Variants in PSAT1 observed in about 807,000 individuals in gnomAD.
The protein encoded by PSAT1 is phosphoserine aminotransferase.
PSAT1 carries 41 observed loss-of-function variants against 40.3 expected under a neutral mutation model. The ratio of observed to expected loss-of-function variants is 1.02; its 90% CI spans 0.79 to 1.32. PSAT1 has a LOEUF of 1.32. Ranked by LOEUF, PSAT1 falls within the 40% of genes most tolerant of loss-of-function variation. The probability of loss-of-function intolerance (pLI) is 0.00; values close to 1 mark genes in which losing one functional copy is unlikely to be tolerated. For synonymous variants in PSAT1, 147 were observed against 170.5 expected, an observed-to-expected ratio of 0.86 and a Z score of 1.07; for missense variants, 406 against 455.8, an observed-to-expected ratio of 0.89 and a Z score of 0.99.
In PSAT1 at chr9:78,328,993, C is replaced by T. The variant is rs1384545215; in HGVS notation, c.1020C>T (p.Gly340=). The T allele has an allele frequency of 6.2e-7, 1 of 1,613,658 alleles. No homozygotes were observed. The highest frequency in any genetic ancestry group is 2.2e-5 in the East Asian group (1 of 44,884). The change falls in exon 9 of 9, where the codon GGC becomes GGT. Residue 340 remains glycine (G), a synonymous_variant. Coordinates refer to ENST00000376588, the MANE Select transcript of PSAT1 (RefSeq NM_058179.4). ...TTGGTCATTCTAGGTCTGTGGGAGGCATCCGGGCCTCTCTGTATAATGCTG... is the reference window on the plus strand; with the variant it reads ...TTGGTCATTCTAGGTCTGTGGGAGGTATCCGGGCCTCTCTGTATAATGCTG... The part of the protein sequence containing the change: ...LSLKGHRSVG[G]IRASLYNAVT...
chr9:78,311,280 G>T (rs1311281885), intron 6 of PSAT1, among the ~76,000 whole-genome samples: 1 of 152,142 alleles, frequency 6.6e-6, no homozygotes, highest in Non-Finnish European at 1.5e-5. Flanking sequence ...GGCAGGTAGA[G>T]GTACAGGAGG....
At chr9:78,297,539 G>A (rs538658277) in intron 1 of PSAT1, among the ~76,000 whole-genome samples, 1 of 152,118 alleles carries the variant, frequency 6.6e-6, no homozygotes, top group African/African-American at 2.4e-5. Context: ...TCAGCTGGCC[G>A]GGGCCTGCTG....
intron 7 of PSAT1, among the ~76,000 whole-genome samples, chr9:78,321,868 C>G (rs2118695708): frequency 6.6e-6 from 1 of 152,234 alleles, no homozygotes; most frequent in East Asian, 1.9e-4. Flanking sequence ...ATACATACTT[C>G]TTAAAATTGT....
At chr9:78,324,833 C>T (rs1041266450) in intron 7 of PSAT1, among the ~76,000 whole-genome samples, 39 of 152,260 alleles carry the variant, frequency 2.6e-4, no homozygotes, top group African/African-American at 6.7e-4. Flanking sequence ...CCTTCCACAC[C>T]GGCCCGTCCT....
At chr9:78,328,903 GC>G in intron 8 of PSAT1, 77 bp from the exon 9 acceptor site, 1 of 1,125,122 alleles carries the variant, frequency 8.9e-7, no homozygotes, top group Non-Finnish European at 1.4e-6. Flanking sequence ...ACTCTCAGGA[GC>G]CAGTGGCTAG....
intron 7 of PSAT1, among the ~76,000 whole-genome samples, chr9:78,318,728 C>A (rs1444005884): frequency 6.6e-6 from 1 of 152,222 alleles, no homozygotes; most frequent in Admixed American, 6.5e-5. Context: ...ATCATCTCAT[C>A]TCGAGATCCT....
At chr9:78,328,807 T>C (rs939130619) in intron 8 of PSAT1, among the ~76,000 whole-genome samples, 174 bp from the exon 9 acceptor site, 4 of 152,222 alleles carry the variant, frequency 2.6e-5, no homozygotes, top group Admixed American at 2.6e-4. Flanking sequence ...GGGAGAATTT[T>C]CTGATGACTG....
At chr9:78,301,867 T>A in intron 2 of PSAT1, 87 bp from the exon 3 acceptor site, 1 of 1,036,280 alleles carries the variant, frequency 9.6e-7, no homozygotes, top group African/African-American at 1.6e-5. Flanking sequence ...CCTGTATTGT[T>A]GTTTACTTGC....
intron 7 of PSAT1, among the ~76,000 whole-genome samples, chr9:78,326,955 A>ATATATATATATTTTTTTTTT: frequency 7.9e-5 from 6 of 75,934 alleles, no homozygotes; most frequent in African/African-American, 4.7e-4. Context: ...ATATATATAT[A>ATATATATATATTTTTTTTTT]TTTTTTTTTT....
chr9:78,315,071 G>A (rs532998126), intron 6 of PSAT1, among the ~76,000 whole-genome samples: 1 of 152,252 alleles, frequency 6.6e-6, no homozygotes, highest in South Asian at 2.1e-4. Flanking sequence ...GATGAACAGA[G>A]GGCTGGGCAG....
chr9:78,305,426 T>G (rs1252480394), intron 4 of PSAT1, among the ~76,000 whole-genome samples: 2 of 152,256 alleles, frequency 1.3e-5, no homozygotes, highest in Non-Finnish European at 2.9e-5. Context: ...ATGCATACTC[T>G]TCTTGCAGAA....
intron 6 of PSAT1, among the ~76,000 whole-genome samples, chr9:78,309,348 A>T (rs1043070070): frequency 3.9e-5 from 6 of 152,144 alleles, no homozygotes; most frequent in African/African-American, 1.4e-4. Context: ...TACTGGCTTA[A>T]ATACCTTTCT....
chr9:78,304,298 A>G (rs1828148754), intron 3 of PSAT1, among the ~76,000 whole-genome samples: 1 of 152,238 alleles, frequency 6.6e-6, no homozygotes. Flanking sequence ...AGCTCCTACA[A>G]GTTTCTTCTT....
At chr9:78,317,876 GA>G in intron 7 of PSAT1, 72 bp downstream of exon 7, 1 of 1,509,434 alleles carries the variant, frequency 6.6e-7, no homozygotes, top group Non-Finnish European at 9.2e-7. Flanking sequence ...GTGTACCTTT[GA>G]AAAGTGGACA....
intron 5 of PSAT1, 65 bp downstream of exon 5, chr9:78,306,551 T>C: frequency 6.3e-7 from 1 of 1,592,152 alleles, no homozygotes; most frequent in East Asian, 2.2e-5. Flanking sequence ...CATTTTAATA[T>C]ATACAAGAGC....
intron 7 of PSAT1, among the ~76,000 whole-genome samples, chr9:78,324,608 C>T (rs959918640): frequency 5.3e-5 from 8 of 152,182 alleles, no homozygotes; most frequent in Non-Finnish European, 1.0e-4. Context: ...TGGTGCTTGA[C>T]GGGGTCACCC....
intron 6 of PSAT1, among the ~76,000 whole-genome samples, chr9:78,317,073 C>CA (rs2118679406): frequency 6.6e-6 from 1 of 152,300 alleles, no homozygotes; most frequent in African/African-American, 2.4e-5. Context: ...TTCTGGCTCT[C>CA]AAGAAGAGTT....
At position 78,317,775 on chromosome 9, in the gene PSAT1, G is replaced by C. The variant is rs1182144804; in HGVS notation, c.840G>C (p.Glu280Asp). 1 of 1,613,306 alleles carries C rather than the reference G, an allele frequency of 6.2e-7. No homozygotes were observed. Residue 280 changes from glutamate (E) to aspartate (D), a missense_variant, in exon 7 of 9, where the codon GAG becomes GAC. Coordinates refer to ENST00000376588, the MANE Select transcript of PSAT1 (RefSeq NM_058179.4). Reference sequence around the variant, plus strand: ...CCATCAAATCTCAAACAATTTATGAGATTATTGATAATTCTCAAGGATTCT... The same window carrying C: ...CCATCAAATCTCAAACAATTTATGACATTATTGATAATTCTCAAGGATTCT... ...LSSIKSQTIY[E>D]IIDNSQGFYV... is the part of the protein sequence containing the mutation.
chr9:78,308,094 C>T (rs541255190), intron 5 of PSAT1, among the ~76,000 whole-genome samples: 98 of 152,162 alleles, frequency 6.4e-4, no homozygotes, highest in African/African-American at 2.3e-3. Context: ...AGAGGCCCCA[C>T]GTTAAAGACT....
Sources: gnomAD v4.1 joint callset for allele counts (sites outside exome capture counted in the v4.1 genomes callset) on GRCh38, gnomAD v4.1.1 for gene constraint, MANE v1.5 for transcripts, NCBI Gene and HGNC (gene_info 2026-07-23, HGNC 2026-07-21) for gene names.